Variants in RBFOX1 observed in about 807,000 individuals in gnomAD.
RBFOX1 encodes the protein RNA binding protein fox-1 homolog 1.
In RBFOX1, 8 loss-of-function variants were observed where a neutral mutation model predicts 57.7. The observed-to-expected ratio is 0.14, with a 90% CI of 0.08 to 0.25. RBFOX1 has a LOEUF of 0.25. RBFOX1 is among the 10% of genes least tolerant of loss of function. The probability of loss-of-function intolerance (pLI) is 1.00; values close to 1 mark genes in which losing one functional copy is unlikely to be tolerated. For missense variants in RBFOX1, 611 were observed against 548.5 expected (o/e 1.11, Z -1.14); for synonymous variants, 326 against 222.4 (o/e 1.47, Z -4.15).
At chr16:7,100,328 C>T (rs2062459784) in intron 4 of RBFOX1, among the ~76,000 whole-genome samples, 1 of 152,068 alleles carries the variant, frequency 6.6e-6, no homozygotes, top group Non-Finnish European at 1.5e-5. Context: ...CATATTTGGA[C>T]ATTATGAAAA....
chr16:6,819,652 C>A (rs1483326678), intron 3 of RBFOX1, among the ~76,000 whole-genome samples: 2 of 130,204 alleles, frequency 1.5e-5, no homozygotes, highest in South Asian at 5.0e-4. Flanking sequence ...TTGCAGTGAG[C>A]CAGGATCAAG....
intron 3 of RBFOX1, among the ~76,000 whole-genome samples, chr16:5,796,360 G>A (rs1458921614): frequency 6.6e-6 from 1 of 152,188 alleles, no homozygotes; most frequent in Non-Finnish European, 1.5e-5. Flanking sequence ...GGAATGAGTT[G>A]CTCAATCCAG....
chr16:6,836,455 T>G, intron 3 of RBFOX1, among the ~76,000 whole-genome samples: 1 of 152,210 alleles, frequency 6.6e-6, no homozygotes, highest in Admixed American at 6.5e-5. Flanking sequence ...GGGATTCTGC[T>G]TAGCTCTGTG....
chr16:5,593,200 A>G (rs1489748413), intron 2 of RBFOX1, among the ~76,000 whole-genome samples: 1 of 152,204 alleles, frequency 6.6e-6, no homozygotes, highest in Non-Finnish European at 1.5e-5. Flanking sequence ...AGGGACATAG[A>G]TGAAGCTAGA....
chr16:7,169,499 C>T (rs563817567), intron 4 of RBFOX1, among the ~76,000 whole-genome samples: 1 of 152,320 alleles, frequency 6.6e-6, no homozygotes, highest in South Asian at 2.1e-4. Flanking sequence ...TGAGAAATGT[C>T]TATAGACATG....
chr16:5,507,227 A>G (rs1451192888), intron 2 of RBFOX1, among the ~76,000 whole-genome samples: 1 of 152,134 alleles, frequency 6.6e-6, no homozygotes, highest in Non-Finnish European at 1.5e-5. Flanking sequence ...CACTGCGGCC[A>G]CCATGACTGT....
chr16:7,359,358 A>T (rs572620625), intron 4 of RBFOX1, among the ~76,000 whole-genome samples: 1 of 151,858 alleles, frequency 6.6e-6, no homozygotes, highest in Admixed American at 6.5e-5. Flanking sequence ...TATGCCATCT[A>T]ATTGTGTGTA....
At chr16:7,471,038 C>G (rs955069054) in intron 4 of RBFOX1, among the ~76,000 whole-genome samples, 1 of 151,844 alleles carries the variant, frequency 6.6e-6, no homozygotes, top group Non-Finnish European at 1.5e-5. Context: ...AGTGCACAGA[C>G]AGATAATAAT....
At chr16:5,936,827 C>T (rs1176658373) in intron 4 of RBFOX1, among the ~76,000 whole-genome samples, 1 of 152,112 alleles carries the variant, frequency 6.6e-6, no homozygotes, top group African/African-American at 2.4e-5. Flanking sequence ...AGCGGCAAAG[C>T]AGAGGTGATC....
At chr16:6,594,348 C>A (rs914881987) in intron 2 of RBFOX1, among the ~76,000 whole-genome samples, 4 of 152,136 alleles carry the variant, frequency 2.6e-5, no homozygotes, top group South Asian at 2.1e-4. Context: ...CCTATCCTTA[C>A]CAATGTTATG....
intron 1 of RBFOX1, among the ~76,000 whole-genome samples, chr16:5,357,255 A>G (rs937141598): frequency 6.6e-6 from 1 of 152,204 alleles, no homozygotes; most frequent in African/African-American, 2.4e-5. Context: ...CTCCTTGGCC[A>G]TAGCTGATTG....
At chr16:6,690,754 C>CTTTG (rs1555695977) in intron 3 of RBFOX1, among the ~76,000 whole-genome samples, 1 of 40,388 alleles carries the variant, frequency 2.5e-5, no homozygotes, top group African/African-American at 8.2e-5. Flanking sequence ...TCTTTTCTTT[C>CTTTG]TTTCTTTTTT....
At chr16:6,462,280 T>C (rs1202826702) in intron 2 of RBFOX1, among the ~76,000 whole-genome samples, 1 of 152,172 alleles carries the variant, frequency 6.6e-6, no homozygotes, top group Non-Finnish European at 1.5e-5. Context: ...TGATGCATGC[T>C]CTTCTGTATG....
intron 3 of RBFOX1, among the ~76,000 whole-genome samples, chr16:5,615,452 C>G (rs543803450): frequency 1.6e-4 from 25 of 152,294 alleles, no homozygotes; most frequent in Admixed American, 5.2e-4. Flanking sequence ...CTGAAGACAG[C>G]TACGTTTATC....
At chr16:6,024,681 G>A (rs999859531) in intron 1 of RBFOX1, among the ~76,000 whole-genome samples, 2 of 152,100 alleles carry the variant, frequency 1.3e-5, no homozygotes, top group East Asian at 1.9e-4. Context: ...TAGGGATGGA[G>A]TTTCCCCATG....
chr16:6,497,044 T>G (rs1555504729), intron 2 of RBFOX1, among the ~76,000 whole-genome samples: 1 of 152,226 alleles, frequency 6.6e-6, no homozygotes, highest in Non-Finnish European at 1.5e-5. Flanking sequence ...TTGGCTTATA[T>G]GAGGCTCTCA....
At chr16:6,498,468 T>C (rs757977918) in intron 2 of RBFOX1, among the ~76,000 whole-genome samples, 1 of 152,136 alleles carries the variant, frequency 6.6e-6, no homozygotes, top group Non-Finnish European at 1.5e-5. Flanking sequence ...TTTATTTCAG[T>C]CAGCCTTCTC....
intron 1 of RBFOX1, among the ~76,000 whole-genome samples, chr16:6,157,030 C>T (rs1237864576): frequency 6.6e-6 from 1 of 151,892 alleles, no homozygotes; most frequent in African/African-American, 2.4e-5. Context: ...GAGATGGGGT[C>T]TTGCTATGTT....
At chr16:6,637,606 T>A (rs2098456342) in intron 2 of RBFOX1, among the ~76,000 whole-genome samples, 1 of 31,242 alleles carries the variant, frequency 3.2e-5, no homozygotes, top group South Asian at 1.8e-3. Context: ...TATATTAGAA[T>A]GTGCATTTAA....
Sources: allele counts gnomAD v4.1 joint callset (sites outside exome capture counted in the v4.1 genomes callset), GRCh38; gene constraint gnomAD v4.1.1; transcripts MANE v1.5; gene names NCBI Gene and HGNC (gene_info 2026-07-23, HGNC 2026-07-21).